LRIF1: variants seen among roughly 807,000 people sequenced by gnomAD.
LRIF1 encodes the protein ligand dependent nuclear receptor interacting factor 1.
In LRIF1, 32 loss-of-function variants were observed where a neutral mutation model predicts 52.7. The ratio of observed to expected loss-of-function variants is 0.61; its 90% CI spans 0.46 to 0.82. LRIF1 has a LOEUF of 0.82. Among genes scored for constraint, LRIF1 ranks in the 40% least tolerant of loss-of-function variants. The probability of loss-of-function intolerance (pLI) is 0.00; values close to 1 mark genes in which losing one functional copy is unlikely to be tolerated. For missense variants in LRIF1, 887 were observed against 892.0 expected (o/e 0.99, Z 0.07); for synonymous variants, 323 against 317.4 (o/e 1.02, Z -0.19).
chr1:110,913,688 T>TG, the LRIF1 span, among the ~76,000 whole-genome samples: 5 of 152,216 alleles, frequency 3.3e-5, no homozygotes, highest in Non-Finnish European at 7.3e-5. Context: ...TAGACACTGC[T>TG]GGTGAGAATG....
the LRIF1 span, chr1:110,942,051 C>T: frequency 6.6e-6 from 1 of 152,046 alleles, no homozygotes; most frequent in Non-Finnish European, 1.5e-5. Context: ...TCATAGAGCT[C>T]TTCCTCATTC....
chr1:110,920,397 C>T, the LRIF1 span, among the ~76,000 whole-genome samples: 1 of 152,012 alleles, frequency 6.6e-6, no homozygotes, highest in Non-Finnish European at 1.5e-5. Context: ...ATGAAGGAAC[C>T]CTAAATGCAT....
the LRIF1 span, among the ~76,000 whole-genome samples, chr1:110,875,514 T>C: frequency 1.3e-5 from 2 of 152,194 alleles, no homozygotes; most frequent in African/African-American, 4.8e-5. Context: ...TAGCTTCTGT[T>C]CCAGGAAGTA....
chr1:110,946,533 G>A (rs748861521), downstream of LRIF1, among the ~76,000 whole-genome samples: 2 of 151,714 alleles, frequency 1.3e-5, no homozygotes, highest in South Asian at 2.1e-4. Flanking sequence ...ATAGAAAGCA[G>A]CAAAATCTAG....
At chr1:110,922,410 C>G in the LRIF1 span, among the ~76,000 whole-genome samples, 1 of 152,190 alleles carries the variant, frequency 6.6e-6, no homozygotes, top group Non-Finnish European at 1.5e-5. Flanking sequence ...GGGCTTTGAT[C>G]ATGGACTTCT....
intron 1 of LRIF1, among the ~76,000 whole-genome samples, chr1:110,960,312 T>C (rs546466141): frequency 6.6e-6 from 1 of 151,480 alleles, no homozygotes; most frequent in Non-Finnish European, 1.5e-5. Context: ...CTCTATAGTA[T>C]GTGTGTCTGT....
the LRIF1 span, among the ~76,000 whole-genome samples, chr1:110,918,368 GATTTT>G: frequency 6.6e-6 from 1 of 152,040 alleles, no homozygotes; most frequent in African/African-American, 2.4e-5. Flanking sequence ...AGATGATAAT[GATTTT>G]ATTTTATAGT....
the LRIF1 span, among the ~76,000 whole-genome samples, chr1:110,900,161 C>T: frequency 1.3e-5 from 2 of 152,186 alleles, no homozygotes; most frequent in African/African-American, 2.4e-5. Context: ...AACATGTCAG[C>T]CTGGGCTGCA....
chr1:110,899,808 CCAGT>C, the LRIF1 span: 1 of 152,732 alleles, frequency 6.5e-6, no homozygotes, highest in Non-Finnish European at 1.5e-5. Context: ...CTGATTTCAA[CCAGT>C]CACTTAGCTG....
downstream of LRIF1, chr1:110,944,839 T>G (rs543087222): frequency 9.2e-5 from 14 of 151,422 alleles, no homozygotes; most frequent in Non-Finnish European, 2.1e-4. Context: ...GCCAAATTGG[T>G]AAATTTAGCT....
the LRIF1 span, among the ~76,000 whole-genome samples, chr1:110,886,871 T>TATATATATATATA: frequency 3.9e-5 from 3 of 76,080 alleles, no homozygotes; most frequent in African/African-American, 1.1e-4. Flanking sequence ...ATATATATAT[T>TATATATATATATA]TTTTTTTTCT....
At chr1:110,934,644 TTTTGTAGTTTG>T in the LRIF1 span, among the ~76,000 whole-genome samples, 1 of 152,154 alleles carries the variant, frequency 6.6e-6, no homozygotes, top group Non-Finnish European at 1.5e-5. Context: ...AAACACTGTG[TTTTGTAGTTTG>T]AATGCTGGTT....
At chr1:110,961,536 G>A (rs1658946745) in intron 1 of LRIF1, among the ~76,000 whole-genome samples, 2 of 151,982 alleles carry the variant, frequency 1.3e-5, no homozygotes. Context: ...TTAAATTTGG[G>A]TTTTACATGT....
At chr1:110,938,350 A>G in the LRIF1 span, 1 of 152,224 alleles carries the variant, frequency 6.6e-6, no homozygotes, top group Non-Finnish European at 1.5e-5. Flanking sequence ...TATTAGAAAG[A>G]TAATTCATCA....
chr1:110,955,761 C>T (rs1283193796), intron 1 of LRIF1, among the ~76,000 whole-genome samples: 1 of 152,130 alleles, frequency 6.6e-6, no homozygotes, highest in African/African-American at 2.4e-5. Context: ...CAGGAAGCTA[C>T]AGGAATAAAT....
chr1:110,917,672 A>C, the LRIF1 span, among the ~76,000 whole-genome samples: 1 of 147,196 alleles, frequency 6.8e-6, no homozygotes, highest in Non-Finnish European at 1.5e-5. Context: ...GAGAGAGGTC[A>C]ACATAAAAAA....
chr1:110,959,123 C>T (rs964762394), intron 1 of LRIF1, among the ~76,000 whole-genome samples: 2 of 152,128 alleles, frequency 1.3e-5, no homozygotes, highest in Non-Finnish European at 2.9e-5. Flanking sequence ...CTAGTCTGGT[C>T]ACCTAATTAC....
chr1:110,934,930 G>C, the LRIF1 span, among the ~76,000 whole-genome samples: 1 of 152,208 alleles, frequency 6.6e-6, no homozygotes, highest in Non-Finnish European at 1.5e-5. Context: ...TGTCATAGTG[G>C]TGGTGGCCAC....
At chr1:110,959,623 G>A (rs1311078826) in intron 1 of LRIF1, among the ~76,000 whole-genome samples, 3 of 151,082 alleles carry the variant, frequency 2.0e-5, no homozygotes, top group East Asian at 3.9e-4. Flanking sequence ...GGTGGCACAC[G>A]CCTGTAGTCC....
Sources: allele counts gnomAD v4.1 joint callset (sites outside exome capture counted in the v4.1 genomes callset), GRCh38; gene constraint gnomAD v4.1.1; transcripts MANE v1.5; gene names NCBI Gene and HGNC (gene_info 2026-07-23, HGNC 2026-07-21).